Variants in EHMT1 observed in about 807,000 individuals in gnomAD.
The protein encoded by EHMT1 is histone-lysine N-methyltransferase EHMT1.
Under a neutral mutation model 147.2 loss-of-function variants are expected in EHMT1, and 15 were observed. That is an observed-to-expected ratio of 0.10 (90% CI 0.07 to 0.16). EHMT1 has a LOEUF of 0.16. EHMT1 is among the 10% of genes least tolerant of loss of function. EHMT1 has a pLI of 1.00. For missense variants in EHMT1, 1,587 were observed against 1,772.4 expected (o/e 0.90, Z 1.88); for synonymous variants, 795 against 709.6 (o/e 1.12, Z -1.91).
At position 137,671,359 on chromosome 9, in the gene EHMT1, T is replaced by A. The variant is rs1032033139; in HGVS notation, c.22-39608T>A. 3.9e-5 allele frequency among the ~76,000 whole-genome samples: 6 copies of A among 152,158 alleles called. No homozygotes were observed. In the East Asian group the frequency reaches 9.6e-4, roughly 24 times the overall value. On this transcript the variant is annotated intron_variant, in intron 1 of 26. Transcript: ENST00000460843. ...GTATTAGCTTTACAGTAAGAAAAAA[T>A]TAATGGAAACCCTCATTTATATGTA...
Position 137,716,869 on chromosome 9 carries a change from C to G in EHMT1, c.329C>G (p.Thr110Ser), listed in dbSNP as rs147648583. The change falls in exon 3 of 27, where the codon ACT becomes AGT. Residue 110 changes from threonine (T) to serine (S), a missense_variant. Physicochemically the swap from Thr to Ser is moderately conservative, Grantham distance 58. Coordinates refer to ENST00000460843, the MANE Select transcript of EHMT1 (RefSeq NM_024757.5). Reference protein sequence around the residue: ...DSEAAKQNHVTADDFVQTSVI... With the variant: ...DSEAAKQNHVSADDFVQTSVI... Reference sequence around the variant, plus strand: ...GAAGCGGCGAAGCAAAACCACGTCACTGCCGACGACTTTGTGCAGACTTCT... The same window carrying G: ...GAAGCGGCGAAGCAAAACCACGTCAGTGCCGACGACTTTGTGCAGACTTCT... 6.2e-7 allele frequency: 1 copy of G among 1,613,308 alleles called. No homozygotes were observed. The highest frequency in any genetic ancestry group is 1.1e-5 in the South Asian group (1 of 91,092).
In EHMT1 at chr9:137,775,443, C is replaced by T. The variant is rs1195374282; in HGVS notation, c.1791+191C>T. 2.6e-5 allele frequency among the ~76,000 whole-genome samples: 4 copies of T among 151,996 alleles called. No homozygotes were observed. The highest frequency in any genetic ancestry group is 7.2e-5 in the African/African-American group (3 of 41,508). On this transcript the variant is annotated intron_variant, in intron 11 of 26. Coordinates refer to ENST00000460843, the MANE Select transcript of EHMT1 (RefSeq NM_024757.5). The surrounding 1 kb of genome is among the most constrained non-coding windows in gnomAD (Gnocchi z 6.1). ...TGTCGAGCCCCAGTGCCTTAGACACCTTCACCCCCAACCCCCATTTCCCTC... is the reference window on the plus strand; with the variant it reads ...TGTCGAGCCCCAGTGCCTTAGACACTTTCACCCCCAACCCCCATTTCCCTC...
chr9:137,700,188 C>T (rs1943719573), intron 1 of EHMT1, among the ~76,000 whole-genome samples: 1 of 152,168 alleles, frequency 6.6e-6, no homozygotes, highest in Admixed American at 6.5e-5. Flanking sequence ...AGTATTTCTC[C>T]TATCCCTCTA....
intron 1 of EHMT1, among the ~76,000 whole-genome samples, chr9:137,635,657 A>G (rs1231022644): frequency 6.6e-6 from 1 of 151,068 alleles, no homozygotes; most frequent in Non-Finnish European, 1.5e-5. Context: ...CGTCTCTACT[A>G]AAAATACAAA....
chr9:137,651,192 C>T (rs1426904424), intron 1 of EHMT1, among the ~76,000 whole-genome samples: 1 of 152,124 alleles, frequency 6.6e-6, no homozygotes, highest in African/African-American at 2.4e-5. Flanking sequence ...ATATTTTTTC[C>T]CATTTTGTGG....
At chr9:137,750,431 T>G (rs3123512) in intron 6 of EHMT1, among the ~76,000 whole-genome samples, 28,750 of 152,174 alleles carry the variant, frequency 0.19, 7,055 homozygotes, top group African/African-American at 0.57. Context: ...AAAAGTTAGT[T>G]GTAATTTCTT....
chr9:137,721,533 C>T lies in EHMT1; in HGVS notation c.642+4351C>T, dbSNP rs568636647. On this transcript the variant is annotated intron_variant, in intron 3 of 26. Transcript: ENST00000460843. ...CTCACCCTCTCCCACGCCTCTCACC[C>T]TCTCCCACGCCTCTCACCTTCTCCC... Among the ~76,000 whole-genome samples the T allele has an allele frequency of 7.9e-4, 96 of 121,372 alleles. 1 individual carries two copies. The highest frequency in any genetic ancestry group is 5.1e-3 in the Middle Eastern group (1 of 198). The allele number at this position is 121,372 out of a possible 152,430, so 79.6% of individuals were successfully genotyped here. A position where few individuals can be genotyped will look rare whatever the true frequency, so the allele number is the denominator to read the frequency against.
intron 25 of EHMT1, among the ~76,000 whole-genome samples, chr9:137,822,964 CT>C (rs1300062571): frequency 9.2e-5 from 14 of 151,438 alleles, no homozygotes; most frequent in African/African-American, 3.2e-4. Flanking sequence ...GAGTTTCGCT[CT>C]TGTCGCCCAG....
chr9:137,774,157 C>T (rs1193198791), intron 10 of EHMT1, among the ~76,000 whole-genome samples: 1 of 152,244 alleles, frequency 6.6e-6, no homozygotes, highest in South Asian at 2.1e-4. Flanking sequence ...CACTGCTGGC[C>T]TGTGATGGCC....
Position 137,817,485 on chromosome 9 carries a change from C to T in EHMT1, c.3421C>T (p.Arg1141Trp), listed in dbSNP as rs780933084. 1.9e-6 allele frequency: 3 copies of T among 1,614,172 alleles called. No individual in the cohort carries two copies. Among genetic ancestry groups the T allele is most frequent in the Non-Finnish European group, 2.5e-6 (3 of 1,180,024 alleles). Residue 1141 changes from arginine to tryptophan, a missense_variant, in exon 24 of 27, where the codon CGG becomes TGG. By Grantham distance (101) the Arg-to-Trp change is moderately radical (BLOSUM62 -3). Transcript: ENST00000460843. ...YRTRDMGWGV[R>W]SLQDIPPGTF... The stretch of plus-strand genomic sequence containing the variant: ...GACGCGGGACATGGGCTGGGGCGTG[C>T]GGTCCCTGCAGGACATCCCACCAGG...
chr9:137,630,276 A>G (rs1330187087), intron 1 of EHMT1, among the ~76,000 whole-genome samples: 3 of 152,248 alleles, frequency 2.0e-5, no homozygotes, highest in African/African-American at 7.2e-5. Flanking sequence ...ACAAAATTTA[A>G]TAATAGAACA....
chr9:137,831,672 G>A (rs1376496864), intron 25 of EHMT1, among the ~76,000 whole-genome samples: 5 of 152,346 alleles, frequency 3.3e-5, no homozygotes, highest in East Asian at 1.9e-4. Context: ...TTGAAAATAC[G>A]TGTCTGTTGG....
intron 10 of EHMT1, 83 bp downstream of exon 10, chr9:137,762,903 G>T: frequency 1.3e-6 from 2 of 1,582,796 alleles, no homozygotes; most frequent in East Asian, 2.2e-5. Flanking sequence ...ACAGCCCCTC[G>T]AGTGAGTTGT....
chr9:137,675,186 C>T (rs1257389048), intron 1 of EHMT1: 11 of 152,034 alleles, frequency 7.2e-5, no homozygotes, highest in East Asian at 1.9e-4. Flanking sequence ...CAGTGGGAAG[C>T]CACTGAATTT....
At chr9:137,622,608 C>T (rs1843001584) in intron 1 of EHMT1, among the ~76,000 whole-genome samples, 2 of 152,162 alleles carry the variant, frequency 1.3e-5, no homozygotes, top group South Asian at 4.1e-4. Flanking sequence ...CTCTTATGTT[C>T]ATCCTGCCCC....
chr9:137,653,372 G>T (rs1457355155), intron 1 of EHMT1, among the ~76,000 whole-genome samples: 1 of 152,172 alleles, frequency 6.6e-6, no homozygotes, highest in Non-Finnish European at 1.5e-5. Context: ...AGGCATCTAG[G>T]TTTGTGTGAG....
intron 13 of EHMT1, among the ~76,000 whole-genome samples, chr9:137,779,056 A>G (rs895443092): frequency 1.3e-5 from 2 of 152,242 alleles, no homozygotes; most frequent in Non-Finnish European, 2.9e-5. Context: ...TCCAGGATCC[A>G]GTCACCTTCT....
chr9:137,709,363 G>A (rs1324594270), intron 1 of EHMT1, among the ~76,000 whole-genome samples: 4 of 152,224 alleles, frequency 2.6e-5, no homozygotes, highest in Non-Finnish European at 4.4e-5. Flanking sequence ...TGGCTTGGCA[G>A]TGGGAGATCA....
At chr9:137,809,191 C>T (rs1954203147) in intron 18 of EHMT1, among the ~76,000 whole-genome samples, 4 of 152,190 alleles carry the variant, frequency 2.6e-5, no homozygotes. Context: ...ATGCCGGGGG[C>T]TGGCCGTTTG....
Sources: allele counts gnomAD v4.1 joint callset (sites outside exome capture counted in the v4.1 genomes callset), GRCh38; gene constraint gnomAD v4.1.1; non-coding constraint Gnocchi (gnomAD v3.1); transcripts MANE v1.5; gene names NCBI Gene and HGNC (gene_info 2026-07-23, HGNC 2026-07-21).